ARGLU1: variants seen among roughly 807,000 people sequenced by gnomAD.
ARGLU1 encodes arginine and glutamate-rich protein 1.
ARGLU1 carries 9 observed loss-of-function variants against 37.6 expected under a neutral mutation model. That is an observed-to-expected ratio of 0.24 (90% CI 0.14 to 0.42). The LOEUF is 0.42. ARGLU1 is among the 10% of genes least tolerant of loss of function. The pLI, the probability that ARGLU1 is intolerant of heterozygous loss-of-function variation, is 1.00. For synonymous variants in ARGLU1, 166 were observed against 138.5 expected (o/e 1.20, Z -1.39); for missense variants, 211 against 359.2 (o/e 0.59, Z 3.34).
chr13:106,545,940 G>A (rs1880378475), intron 3 of ARGLU1, among the ~76,000 whole-genome samples: 1 of 152,178 alleles, frequency 6.6e-6, no homozygotes, highest in African/African-American at 2.4e-5. Context: ...CCACCTGGGA[G>A]ACCTAGGACT....
Position 106,567,901 on chromosome 13 carries a change from G to C in ARGLU1, c.19C>G (p.Arg7Gly). 6.2e-7 allele frequency: 1 copy of C among 1,609,244 alleles called. No homozygotes were observed. Among genetic ancestry groups the C allele is most frequent in the Non-Finnish European group, 8.5e-7 (1 of 1,179,442 alleles). The change falls in exon 1 of 4, where the codon CGG (arginine) becomes GGG (glycine). Residue 7 changes from arginine (R) to glycine (G), a missense_variant. Arg to Gly is a moderately radical substitution (Grantham distance 125). Around this residue, in one of 3 missense-constraint regions of ARGLU1, gnomAD observed 130 missense variants for 179.8 expected, o/e 0.72. Transcript: ENST00000400198. This position sits in a 1 kb window ranked among gnomAD's most constrained non-coding sequence, Gnocchi z 4.3. MGRSRSRSSSRSKHTKS... is the reference protein window; with the variant it reads MGRSRSGSSSRSKHTKS... ...GTGTGCTTGGAGCGGGACGAGCTCC[G>C]GCTCCGAGACCGGCCCATCCTTCCG...
intron 2 of ARGLU1, chr13:106,558,655 C>T: frequency 1.0e-6 from 1 of 985,432 alleles, no homozygotes; most frequent in Non-Finnish European, 1.2e-6. Flanking sequence ...AAATTACTGT[C>T]TCACAGAAAG....
rs150013325 is a variant in ARGLU1, at chr13:106,565,095, A to C, written c.347+2478T>G. On this transcript the variant is annotated intron_variant, in intron 1 of 3. Transcript: ENST00000400198. ...CCTCTTAGTTTCCATCCTACACAACAATCAAAACAAAAAAGGCACCATGTC... is the reference window on the plus strand; with the variant it reads ...CCTCTTAGTTTCCATCCTACACAACCATCAAAACAAAAAAGGCACCATGTC... 5.7e-4 allele frequency among the ~76,000 whole-genome samples: 87 copies of C among 152,320 alleles called. No individual in the cohort carries two copies. The East Asian group carries it at 0.01, about 18-fold the overall frequency.
intron 1 of ARGLU1, among the ~76,000 whole-genome samples, chr13:106,566,793 C>T (rs960322570): frequency 2.6e-5 from 4 of 152,088 alleles, no homozygotes; most frequent in Non-Finnish European, 5.9e-5. Context: ...TGAAGAAGCA[C>T]AGTGTAAGGG....
intron 3 of ARGLU1, among the ~76,000 whole-genome samples, chr13:106,552,243 T>C (rs540789009): frequency 5.2e-4 from 79 of 152,348 alleles, no homozygotes; most frequent in African/African-American, 1.8e-3. Flanking sequence ...CACGATGAAC[T>C]TGGCAAGGGG....
intron 1 of ARGLU1, among the ~76,000 whole-genome samples, chr13:106,561,527 A>C (rs1880801795): frequency 6.6e-6 from 1 of 152,160 alleles, no homozygotes; most frequent in Non-Finnish European, 1.5e-5. Flanking sequence ...CTTAATATTT[A>C]AAATTTCAAA....
At chr13:106,563,002 A>AC (rs796900343) in intron 1 of ARGLU1, among the ~76,000 whole-genome samples, 100 of 123,492 alleles carry the variant, frequency 8.1e-4, no homozygotes, top group African/African-American at 2.5e-3. Flanking sequence ...AAAAAAAAAA[A>AC]AAAAAACAAA....
Position 106,557,104 on chromosome 13 carries a change from G to A in ARGLU1, c.601C>T (p.Leu201=), listed in dbSNP as rs761241584. The change falls in exon 3 of 4, where the codon CTA becomes TTA. Residue 201 remains leucine (L), a synonymous_variant. Coordinates refer to ENST00000400198, the MANE Select transcript of ARGLU1 (RefSeq NM_018011.4). This position sits in a 1 kb window ranked among gnomAD's most constrained non-coding sequence, Gnocchi z 5.0. ...EEEERAKREE[L]ERILEENNRK... ...TTATTCTCTTCCAGTATTCGCTCTA[G>A]CTCCTCACGTTTTGCACGTTCTTCC... 1 of 1,613,950 alleles carries A rather than the reference G, an allele frequency of 6.2e-7. No individual in the cohort carries two copies. Among genetic ancestry groups the A allele is most frequent in the South Asian group, 1.1e-5 (1 of 91,074 alleles).
chr13:106,562,150 C>G (rs1163743386), intron 1 of ARGLU1, among the ~76,000 whole-genome samples: 1 of 152,168 alleles, frequency 6.6e-6, no homozygotes, highest in Non-Finnish European at 1.5e-5. Context: ...GTTCAGGGTA[C>G]CACAGCAAAA....
rs759091129 is a variant in ARGLU1 at position 106,559,630 on chromosome 13, G to C, written c.375C>G (p.Leu125=). Residue 125 remains leucine (L), a synonymous_variant, in exon 2 of 4, where the codon CTC becomes CTG. Transcript: ENST00000400198. The part of the protein sequence containing the change: ...KIRQQEIEEK[L]IEEETARRVE... The stretch of plus-strand genomic sequence containing the variant: ...CTCTTCGTGCTGTTTCTTCCTCGAT[G>C]AGTTTTTCTTCTATTTCTTGCTGTC... 1.2e-6 allele frequency: 2 copies of C among 1,613,498 alleles called. No individual in the cohort carries two copies. The highest frequency in any genetic ancestry group is 2.7e-5 in the African/African-American group (2 of 74,890).
At position 106,567,924 on chromosome 13, in the gene ARGLU1, C is replaced by T; in HGVS notation, c.-5G>A. 1.9e-6 allele frequency: 3 copies of T among 1,604,938 alleles called. No individual in the cohort carries two copies. Among genetic ancestry groups the T allele is most frequent in the Non-Finnish European group, 2.5e-6 (3 of 1,178,840 alleles). On this transcript the variant is annotated 5_prime_UTR_variant, in exon 1 of 4. Coordinates refer to ENST00000400198, the MANE Select transcript of ARGLU1 (RefSeq NM_018011.4). The surrounding 1 kb of genome is among the most constrained non-coding windows in gnomAD (Gnocchi z 4.3). Reference sequence around the variant, plus strand: ...CCGGCTCCGAGACCGGCCCATCCTTCCGGGAGACGCTCTAACCGCTCGCCT... The same window carrying T: ...CCGGCTCCGAGACCGGCCCATCCTTTCGGGAGACGCTCTAACCGCTCGCCT...
At chr13:106,551,367 C>T (rs541676492) in intron 3 of ARGLU1, among the ~76,000 whole-genome samples, 8 of 152,262 alleles carry the variant, frequency 5.3e-5, no homozygotes, top group Non-Finnish European at 1.0e-4. Flanking sequence ...CTGTAGGACA[C>T]AATTCAGCCA....
chr13:106,545,486 A>G (rs944989795), intron 3 of ARGLU1, among the ~76,000 whole-genome samples: 1 of 152,146 alleles, frequency 6.6e-6, no homozygotes, highest in African/African-American at 2.4e-5. Flanking sequence ...TGTTCACTTA[A>G]GTCTTTTAAA....
chr13:106,559,947 G>C (rs1179009236), intron 1 of ARGLU1, among the ~76,000 whole-genome samples: 1 of 152,110 alleles, frequency 6.6e-6, no homozygotes, highest in Non-Finnish European at 1.5e-5. Flanking sequence ...CAATAAATCC[G>C]GACAGAAAAC....
intron 1 of ARGLU1, among the ~76,000 whole-genome samples, chr13:106,563,669 T>G (rs544488149): frequency 1.3e-5 from 2 of 152,154 alleles, no homozygotes; most frequent in Non-Finnish European, 2.9e-5. Flanking sequence ...TGAATACATA[T>G]TCTTAACATC....
At position 106,568,109 on chromosome 13, in the gene ARGLU1, G is replaced by T. The variant is rs546981591; in HGVS notation, c.-190C>A. The T allele has an allele frequency of 5.1e-5, 43 of 851,408 alleles. No homozygotes were observed. The South Asian group carries it at 8.5e-4, about 17-fold the overall frequency. 52.7% of individuals were successfully genotyped at this position (851,408 alleles called of 1,614,324 possible). On this transcript the variant is annotated 5_prime_UTR_variant, in exon 1 of 4. Transcript: ENST00000400198. ...GGCCGCCTCCAACGAGAAACCCGTA[G>T]CGCCAGGCGCCCCTAAGATGGCAGC...
rs113521122 is a variant in ARGLU1 at position 106,543,746 on chromosome 13, T to C, written c.*250A>G. 7.0e-5 allele frequency: 26 copies of C among 369,100 alleles called. No homozygotes were observed. Among genetic ancestry groups the C allele is most frequent in the African/African-American group, 4.8e-4 (21 of 43,394 alleles). The allele number at this position is 369,100 out of a possible 1,614,324, so 22.9% of individuals were successfully genotyped here. A position where few individuals can be genotyped will look rare whatever the true frequency, so the allele number is the denominator to read the frequency against. On this transcript the variant is annotated 3_prime_UTR_variant, in exon 4 of 4. Transcript: ENST00000400198. Reference sequence around the variant, plus strand: ...GATCTGCTCTTCCTCAGACCACTAATATAGAATCCAAACAGGTGAAAAATA... The same window carrying C: ...GATCTGCTCTTCCTCAGACCACTAACATAGAATCCAAACAGGTGAAAAATA...
At chr13:106,544,641 T>G (rs1880346242) in intron 3 of ARGLU1, among the ~76,000 whole-genome samples, 1 of 152,118 alleles carries the variant, frequency 6.6e-6, no homozygotes. Flanking sequence ...GAGGTACAGA[T>G]TTACTCAAAG....
chr13:106,549,590 A>G (rs1475875830), intron 3 of ARGLU1, among the ~76,000 whole-genome samples: 8 of 152,240 alleles, frequency 5.3e-5, no homozygotes, highest in Admixed American at 4.6e-4. Flanking sequence ...CTGTGACAAC[A>G]TATTTATTCT....
Sources: gnomAD v4.1 joint callset for allele counts (sites outside exome capture counted in the v4.1 genomes callset) on GRCh38, gnomAD v4.1.1 for gene constraint, gnomAD v4.1.1 regional missense constraint, Gnocchi (gnomAD v3.1) non-coding constraint, MANE v1.5 for transcripts, NCBI Gene and HGNC (gene_info 2026-07-23, HGNC 2026-07-21) for gene names.